The following PDLIM5 variants were observed in gnomAD, a reference collection of about 807,000 sequenced individuals.
PDLIM5 encodes PDZ and LIM domain protein 5.
In PDLIM5, 34 loss-of-function variants were observed where a neutral mutation model predicts 64.2. The ratio of observed to expected loss-of-function variants is 0.53; its 90% CI spans 0.40 to 0.71. PDLIM5 has a LOEUF of 0.71. Among genes scored for constraint, PDLIM5 ranks in the 30% least tolerant of loss-of-function variants. PDLIM5 has a pLI of 0.00. For missense variants in PDLIM5, 683 were observed against 733.6 expected, an observed-to-expected ratio of 0.93 and a Z score of 0.80; for synonymous variants, 253 against 269.1, an observed-to-expected ratio of 0.94 and a Z score of 0.59.
Position 94,654,540 on chromosome 4 carries a change from A to C in PDLIM5, c.1364A>C (p.Tyr455Ser), listed in dbSNP as rs1395393405. 1.2e-6 allele frequency: 2 copies of C among 1,609,956 alleles called. No individual in the cohort carries two copies. Among genetic ancestry groups the C allele is most frequent in the Non-Finnish European group, 1.7e-6 (2 of 1,176,184 alleles). The change falls in exon 10 of 13, where the codon TAC becomes TCC. Residue 455 changes from tyrosine to serine, a missense_variant. Physicochemically the swap from Tyr to Ser is moderately radical, Grantham distance 144. Transcript: ENST00000317968. ...NCAHCKNTMA[Y>S]IGFVEEKGAL... ...GCTCACTGCAAAAATACAATGGCCT[A>C]CATTGGATTTGTAGAGGAGAAAGGA... is the stretch of plus-strand genomic sequence containing the variant.
At chr4:94,505,008 A>G (rs976103601) in intron 2 of PDLIM5, among the ~76,000 whole-genome samples, 1 of 152,184 alleles carries the variant, frequency 6.6e-6, no homozygotes, top group African/African-American at 2.4e-5. Context: ...GAGATTTTAA[A>G]GAGATGGGCA....
intron 2 of PDLIM5, among the ~76,000 whole-genome samples, chr4:94,465,350 C>T (rs544574163): frequency 2.6e-4 from 40 of 152,060 alleles, no homozygotes; most frequent in East Asian, 7.7e-4. Flanking sequence ...TGTACATGTT[C>T]GATTATTTAA....
At chr4:94,608,750 A>G (rs914923060) in intron 7 of PDLIM5, among the ~76,000 whole-genome samples, 1 of 152,202 alleles carries the variant, frequency 6.6e-6, no homozygotes, top group Admixed American at 6.5e-5. Flanking sequence ...GTCTCCAAAT[A>G]GTAACCATTG....
intron 3 of PDLIM5, among the ~76,000 whole-genome samples, chr4:94,569,645 G>A (rs1002891260): frequency 1.3e-5 from 2 of 152,040 alleles, no homozygotes; most frequent in Non-Finnish European, 2.9e-5. Flanking sequence ...TTGCATTTGA[G>A]TTTCTCATCT....
chr4:94,462,183 A>G (rs149398338), intron 2 of PDLIM5, among the ~76,000 whole-genome samples: 129 of 152,230 alleles, frequency 8.5e-4, no homozygotes, highest in African/African-American at 2.8e-3. Context: ...TAGGTAAGAC[A>G]TTCATATGGT....
chr4:94,491,209 T>G (rs1038526853), intron 2 of PDLIM5, among the ~76,000 whole-genome samples: 1 of 152,196 alleles, frequency 6.6e-6, no homozygotes, highest in Non-Finnish European at 1.5e-5. Flanking sequence ...GGGATTGATT[T>G]AACTGGCACC....
intron 3 of PDLIM5, among the ~76,000 whole-genome samples, chr4:94,569,487 T>G (rs1389394731): frequency 1.3e-5 from 2 of 152,120 alleles, no homozygotes; most frequent in Non-Finnish European, 2.9e-5. Context: ...GTCCAGCTAA[T>G]TTTTGTATGT....
intron 7 of PDLIM5, among the ~76,000 whole-genome samples, chr4:94,597,776 A>G (rs182115849): frequency 1.3e-5 from 2 of 152,258 alleles, no homozygotes; most frequent in South Asian, 2.1e-4. Flanking sequence ...ACTGATTTTC[A>G]AAAAAGGAAA....
At chr4:94,520,031 G>A (rs1436412347) in intron 2 of PDLIM5, among the ~76,000 whole-genome samples, 4 of 152,126 alleles carry the variant, frequency 2.6e-5, no homozygotes, top group Non-Finnish European at 5.9e-5. Context: ...TTAATGGGGA[G>A]GCTTGGTAAA....
intron 3 of PDLIM5, among the ~76,000 whole-genome samples, chr4:94,550,268 A>C (rs1056047380): frequency 6.6e-6 from 1 of 152,166 alleles, no homozygotes; most frequent in African/African-American, 2.4e-5. Context: ...AATACATTTT[A>C]TTCTCACTTT....
intron 3 of PDLIM5, among the ~76,000 whole-genome samples, chr4:94,544,358 C>G (rs1000741522): frequency 1.3e-5 from 2 of 152,106 alleles, no homozygotes; most frequent in African/African-American, 4.8e-5. Context: ...TGGGGGGCCA[C>G]CATTCCACCC....
At chr4:94,561,555 T>C (rs112059843) in intron 3 of PDLIM5, among the ~76,000 whole-genome samples, 383 of 152,332 alleles carry the variant, frequency 2.5e-3, no homozygotes, top group South Asian at 0.018. Context: ...TTTTTTTCTA[T>C]GCACTGGTTG....
Position 94,585,604 on chromosome 4 carries a change from T to C in PDLIM5, c.750T>C (p.Phe250=). Residue 250 remains phenylalanine, a synonymous_variant, in exon 6 of 13, where the codon TTT becomes TTC. Coordinates refer to ENST00000317968, the MANE Select transcript of PDLIM5 (RefSeq NM_006457.5). ...RKHIVERYTE[F]YHVPTHSDAS... is the part of the protein sequence containing the mutation. The stretch of plus-strand genomic sequence containing the variant: ...ACATTGTGGAGCGCTATACAGAGTT[T>C]TATCATGTACCCACTCACAGTGATG... 6.2e-7 allele frequency: 1 copy of C among 1,613,524 alleles called. No homozygotes were observed. The highest frequency in any genetic ancestry group is 8.5e-7 in the Non-Finnish European group (1 of 1,179,746).
Position 94,587,509 on chromosome 4 carries a change from C to T in PDLIM5, c.920+1065C>T, listed in dbSNP as rs1736330902. ...ATCTCCCAAGATTACTTTTTAAGTTCATTATTATGTTACATTCAAAGTTGA... is the reference window on the plus strand; with the variant it reads ...ATCTCCCAAGATTACTTTTTAAGTTTATTATTATGTTACATTCAAAGTTGA... On this transcript the variant is annotated intron_variant, in intron 7 of 12. Transcript: ENST00000317968. The T allele has an allele frequency of 1.5e-5, 13 of 892,800 alleles. No homozygotes were observed. The South Asian group carries it at 6.6e-4, about 45-fold the overall frequency. The allele number at this position is 892,800 out of a possible 1,614,324, so 55.3% of individuals were successfully genotyped here. A position where few individuals can be genotyped will look rare whatever the true frequency, so the allele number is the denominator to read the frequency against.
intron 7 of PDLIM5, among the ~76,000 whole-genome samples, chr4:94,616,222 C>T (rs550330505): frequency 7.9e-5 from 12 of 151,992 alleles, no homozygotes; most frequent in African/African-American, 2.9e-4. Context: ...AATTTAATCC[C>T]AGAATGAAAA....
intron 2 of PDLIM5, among the ~76,000 whole-genome samples, chr4:94,498,293 T>C (rs1727587828): frequency 6.6e-6 from 1 of 152,206 alleles, no homozygotes; most frequent in Non-Finnish European, 1.5e-5. Context: ...TAAATTTATT[T>C]AATAGAGATG....
At chr4:94,660,825 ATGAGTCAACACAG>A (rs1560773146) in intron 11 of PDLIM5, among the ~76,000 whole-genome samples, 1 of 152,194 alleles carries the variant, frequency 6.6e-6, no homozygotes, top group East Asian at 1.9e-4. Flanking sequence ...AGGGTGAACC[ATGAGTCAACACAG>A]TAGTGAGAGG....
intron 3 of PDLIM5, among the ~76,000 whole-genome samples, chr4:94,537,227 T>C (rs1227783842): frequency 2.6e-5 from 4 of 152,308 alleles, no homozygotes; most frequent in South Asian, 2.1e-4. Flanking sequence ...TGCATTCAAA[T>C]ACCTCTCTTA....
chr4:94,575,922 G>T lies in PDLIM5; in HGVS notation c.598G>T (p.Ala200Ser), dbSNP rs1037901201. 2 of 1,614,010 alleles carry T rather than the reference G, an allele frequency of 1.2e-6. No homozygotes were observed. Among genetic ancestry groups the T allele is most frequent in the Non-Finnish European group, 1.7e-6 (2 of 1,180,002 alleles). The change falls in exon 5 of 13, where the codon GCA becomes TCA. Residue 200 changes from alanine to serine, a missense_variant. Ala to Ser is a moderately conservative substitution (Grantham distance 99). Coordinates refer to ENST00000317968, the MANE Select transcript of PDLIM5 (RefSeq NM_006457.5). ...ATCTGCACTGAGCGCTGGTAAAACT[G>T]CAGTTAATGTCCCACGGCAGCCCAC... is the stretch of plus-strand genomic sequence containing the variant. ...SPSALSAGKT[A>S]VNVPRQPTVT... is the part of the protein sequence containing the mutation.
Sources: allele counts gnomAD v4.1 joint callset (sites outside exome capture counted in the v4.1 genomes callset), GRCh38; gene constraint gnomAD v4.1.1; transcripts MANE v1.5; gene names NCBI Gene and HGNC (gene_info 2026-07-23, HGNC 2026-07-21).